Variants in GLYR1 observed in about 807,000 individuals in gnomAD.
The protein encoded by GLYR1 is glyoxylate reductase 1 homolog, also known as cytokine-like nuclear factor N-PAC.
Under a neutral mutation model 72.7 loss-of-function variants are expected in GLYR1, and 21 were observed. The ratio of observed to expected loss-of-function variants is 0.29; its 90% confidence interval spans 0.20 to 0.42. The LOEUF (loss-of-function observed/expected upper bound fraction) is 0.42, where lower values mean the gene tolerates loss of function less well. Among genes scored for constraint, GLYR1 ranks in the 10% least tolerant of loss-of-function variants. GLYR1 has a pLI of 1.00. For missense variants in GLYR1, 594 were observed against 712.1 expected (o/e 0.83, Z 1.89); for synonymous variants, 392 against 270.2 (o/e 1.45, Z -4.42).
rs2086199180 is a variant in GLYR1 at position 4,847,113 on chromosome 16, C to T, written c.38+115G>A. 24 of 1,000,298 alleles carry T rather than the reference C, an allele frequency of 2.4e-5. No individual in the cohort carries two copies. In the South Asian group the frequency reaches 3.0e-4, roughly 12 times the overall value. The allele number at this position is 1,000,298 out of a possible 1,614,324, so 62.0% of individuals were successfully genotyped here. ...CGCAAGCGCCGGCACCTTCTCTTCC[C>T]CTCTCTCCGCGACCTGGAGCGCATA... On this transcript the variant is annotated intron_variant, in intron 1 of 15. Transcript: ENST00000321919.
chr16:4,811,900 G>T, intron 13 of GLYR1, 98 bp from the exon 14 acceptor site: 2 of 1,454,566 alleles, frequency 1.4e-6, no homozygotes, highest in Non-Finnish European at 1.8e-6. Context: ...TCTCTCCAGG[G>T]GAGGCCCCCT....
chr16:4,806,723 A>T (rs1242293888), intron 15 of GLYR1, among the ~76,000 whole-genome samples: 2 of 152,030 alleles, frequency 1.3e-5, no homozygotes, highest in African/African-American at 2.4e-5. Context: ...TTTATACCGC[A>T]ATCTGTAGAG....
chr16:4,836,723 T>C (rs561275070), intron 3 of GLYR1, among the ~76,000 whole-genome samples: 4 of 151,874 alleles, frequency 2.6e-5, no homozygotes, highest in African/African-American at 9.7e-5. Context: ...CAGAAACTGG[T>C]CTAACTGGGT....
intron 5 of GLYR1, among the ~76,000 whole-genome samples, chr16:4,826,169 T>C (rs1168736379): frequency 1.3e-5 from 2 of 152,174 alleles, no homozygotes; most frequent in East Asian, 3.8e-4. Flanking sequence ...CACCTCAGCC[T>C]CCTGGGTAGC....
chr16:4,827,306 T>C (rs1373997707), intron 5 of GLYR1, among the ~76,000 whole-genome samples: 1 of 152,222 alleles, frequency 6.6e-6, no homozygotes, highest in Admixed American at 6.5e-5. Flanking sequence ...CCTCTGAGAC[T>C]ACGGGATGTA....
At chr16:4,824,325 C>T (rs2084238710) in intron 5 of GLYR1, among the ~76,000 whole-genome samples, 1 of 151,776 alleles carries the variant, frequency 6.6e-6, no homozygotes, top group Non-Finnish European at 1.5e-5. Context: ...CCAGCCTGGC[C>T]AACACGGTGA....
intron 15 of GLYR1, 82 bp from the exon 16 acceptor site, chr16:4,805,392 A>C: frequency 1.6e-6 from 2 of 1,212,144 alleles, no homozygotes; most frequent in Non-Finnish European, 2.4e-6. Context: ...GCAGTGGTGG[A>C]TGTGGCCAGC....
chr16:4,841,245 C>T (rs938485615), intron 3 of GLYR1, among the ~76,000 whole-genome samples: 2 of 152,102 alleles, frequency 1.3e-5, no homozygotes, highest in East Asian at 1.9e-4. Flanking sequence ...GAAATTAACT[C>T]AACTCCAATT....
chr16:4,809,873 G>A (rs1019154413), intron 15 of GLYR1, among the ~76,000 whole-genome samples: 33 of 151,848 alleles, frequency 2.2e-4, no homozygotes, highest in African/African-American at 7.5e-4. Context: ...GCGGTGAGCC[G>A]AGATCGCGAC....
intron 6 of GLYR1, 56 bp from the exon 7 acceptor site, chr16:4,822,987 C>A: frequency 2.1e-6 from 3 of 1,445,906 alleles, no homozygotes; most frequent in Non-Finnish European, 2.9e-6. Context: ...AGGTCACTTC[C>A]TTCTCCCTGG....
chr16:4,833,944 T>A (rs2084956456), intron 3 of GLYR1, among the ~76,000 whole-genome samples: 1 of 152,242 alleles, frequency 6.6e-6, no homozygotes, highest in Non-Finnish European at 1.5e-5. Flanking sequence ...TTTCACAGCA[T>A]AACCTTCAGA....
intron 5 of GLYR1, among the ~76,000 whole-genome samples, chr16:4,826,729 G>A (rs1257248903): frequency 1.3e-5 from 2 of 152,214 alleles, no homozygotes; most frequent in South Asian, 2.1e-4. Context: ...CCAGTCAAGC[G>A]TCACTGTGGA....
At chr16:4,829,065 G>C (rs2084617384) in intron 5 of GLYR1, among the ~76,000 whole-genome samples, 1 of 151,956 alleles carries the variant, frequency 6.6e-6, no homozygotes, top group Non-Finnish European at 1.5e-5. Context: ...TCCCTATAAA[G>C]TTCTCTCTGC....
In GLYR1 at chr16:4,804,933, CTGTGTG is replaced by C. The variant is rs143624351; in HGVS notation, c.*297_*302del. On this transcript the variant is annotated 3_prime_UTR_variant, in exon 16 of 16. Transcript: ENST00000321919. ...GCAGCTTCTATCCTGGGGCGAGAGCCTGTGTGTGTGTGTGTGTGTGTGTGTGTGTGT... is the reference window on the plus strand; with the variant it reads ...GCAGCTTCTATCCTGGGGCGAGAGCCTGTGTGTGTGTGTGTGTGTGTGTGT... 9.2e-3 allele frequency: 2,729 copies of C among 297,250 alleles called. 30 individuals are homozygous for C. Among genetic ancestry groups the C allele is most frequent in the African/African-American group, 0.034 (1,591 of 46,190 alleles). 18.4% of individuals were successfully genotyped at this position (297,250 alleles called of 1,614,324 possible).
At chr16:4,809,362 T>C (rs2083192769) in intron 15 of GLYR1, among the ~76,000 whole-genome samples, 1 of 151,648 alleles carries the variant, frequency 6.6e-6, no homozygotes, top group African/African-American at 2.4e-5. Context: ...GCTAATTTTT[T>C]GTATTTTTAG....
At chr16:4,839,778 G>A (rs558269431) in intron 3 of GLYR1, 9 of 152,316 alleles carry the variant, frequency 5.9e-5, no homozygotes, top group African/African-American at 2.2e-4. Context: ...TGATTATCTT[G>A]TCATAAGGAG....
chr16:4,817,572 A>C (rs2083729999), intron 10 of GLYR1, 26 bp downstream of exon 10: 11 of 1,448,266 alleles, frequency 7.6e-6, no homozygotes, highest in Non-Finnish European at 1.1e-5. Context: ...CCACCGATCC[A>C]ACAGGCACCA....
intron 3 of GLYR1, among the ~76,000 whole-genome samples, chr16:4,837,356 G>A (rs2085207746): frequency 6.6e-6 from 1 of 151,784 alleles, no homozygotes. Context: ...GCTTGAACCC[G>A]GGAGGTGGAG....
intron 15 of GLYR1, among the ~76,000 whole-genome samples, chr16:4,810,190 T>C (rs183199702): frequency 5.6e-4 from 85 of 152,196 alleles, no homozygotes; most frequent in Non-Finnish European, 7.5e-4. Context: ...GATTCCACTT[T>C]AAAGGGTTTG....
Sources: gnomAD v4.1 joint callset for allele counts (sites outside exome capture counted in the v4.1 genomes callset) on GRCh38, gnomAD v4.1.1 for gene constraint, MANE v1.5 for transcripts, NCBI Gene and HGNC (gene_info 2026-07-23, HGNC 2026-07-21) for gene names.